Variants in SHISA5 observed in about 807,000 individuals in gnomAD.
The protein encoded by SHISA5 is protein shisa-5.
In SHISA5, 21 loss-of-function variants were observed where a neutral mutation model predicts 27.5. That is an observed-to-expected ratio of 0.76 (90% CI 0.54 to 1.10). The LOEUF (loss-of-function observed/expected upper bound fraction) is 1.10, where lower values mean the gene tolerates loss of function less well. Among genes scored for constraint, SHISA5 ranks in the 50% least tolerant of loss-of-function variants. The probability of loss-of-function intolerance (pLI) is 0.00; values close to 1 mark genes in which losing one functional copy is unlikely to be tolerated. For synonymous variants in SHISA5, 137 were observed against 142.2 expected (o/e 0.96, Z 0.26); for missense variants, 314 against 336.3 (o/e 0.93, Z 0.52).
intron 2 of SHISA5, among the ~76,000 whole-genome samples, chr3:48,482,922 C>T (rs1221187208): frequency 2.0e-5 from 3 of 151,586 alleles, no homozygotes; most frequent in Admixed American, 6.6e-5. Flanking sequence ...TGTGAGCCAC[C>T]GTGCCCGGCC....
At chr3:48,490,403 C>T (rs1472876213) in intron 2 of SHISA5, among the ~76,000 whole-genome samples, 1 of 152,224 alleles carries the variant, frequency 6.6e-6, no homozygotes, top group Non-Finnish European at 1.5e-5. Context: ...CCAGGACCAC[C>T]ACCCAGCAGA....
chr3:48,502,283 T>C (rs961970374), intron 1 of SHISA5: 2 of 428,178 alleles, frequency 4.7e-6, no homozygotes, highest in Admixed American at 2.4e-5. Context: ...ATAACCATGA[T>C]GGCAGGCTAG....
chr3:48,491,605 C>T (rs897465096), intron 2 of SHISA5, among the ~76,000 whole-genome samples: 6 of 152,014 alleles, frequency 3.9e-5, no homozygotes, highest in African/African-American at 7.2e-5. Flanking sequence ...TTTGGCTTTT[C>T]GTTGACAGCA....
chr3:48,472,997 C>T (rs975330448), intron 3 of SHISA5: 21 of 1,535,452 alleles, frequency 1.4e-5, no homozygotes, highest in Non-Finnish European at 1.8e-5. Context: ...CGCAGCATGG[C>T]GCCCAAGCTC....
At chr3:48,472,073 C>T (rs2040649981) in intron 3 of SHISA5, among the ~76,000 whole-genome samples, 1 of 152,010 alleles carries the variant, frequency 6.6e-6, no homozygotes, top group East Asian at 1.9e-4. Context: ...GTCCCAGCTA[C>T]TCAGGAGGCT....
chr3:48,501,591 G>T (rs552462922), intron 1 of SHISA5, among the ~76,000 whole-genome samples: 2 of 152,246 alleles, frequency 1.3e-5, no homozygotes, highest in Admixed American at 1.3e-4. Flanking sequence ...GCCACACCCT[G>T]CTCTCAAACC....
intron 2 of SHISA5, chr3:48,479,478 G>C: frequency 1.8e-6 from 1 of 552,958 alleles, no homozygotes; most frequent in East Asian, 2.9e-5. Context: ...ACATATGTTA[G>C]GCCACAAAAC....
intron 2 of SHISA5, among the ~76,000 whole-genome samples, chr3:48,497,243 C>CT (rs1168322824): frequency 6.9e-6 from 1 of 143,980 alleles, no homozygotes; most frequent in Non-Finnish European, 1.5e-5. Flanking sequence ...GGTTAACGGT[C>CT]TTAAGGCTTC....
Position 48,473,167 on chromosome 3 carries a change from A to T in SHISA5, c.315-3324T>A. On this transcript the variant is annotated intron_variant, in intron 3 of 5. Coordinates refer to ENST00000296444, the MANE Select transcript of SHISA5 (RefSeq NM_016479.6). The surrounding 1 kb of genome is among the most constrained non-coding windows in gnomAD (Gnocchi z 4.3). ...TCAGCCACAGGAAGCACAGACGCGA[A>T]GCCCCGTTCCACCCTCTTAAAGACA... 1 of 1,443,634 alleles carries T rather than the reference A, an allele frequency of 6.9e-7. No individual in the cohort carries two copies. The highest frequency in any genetic ancestry group is 9.1e-7 in the Non-Finnish European group (1 of 1,101,464). 89.4% of individuals were successfully genotyped at this position (1,443,634 alleles called of 1,614,324 possible). A position where few individuals can be genotyped will look rare whatever the true frequency, so the allele number is the denominator to read the frequency against.
At chr3:48,481,315 C>T (rs554576306) in intron 2 of SHISA5, among the ~76,000 whole-genome samples, 267 of 151,906 alleles carry the variant, frequency 1.8e-3, no homozygotes, top group Non-Finnish European at 2.8e-3. Context: ...TGGCAGGCGC[C>T]TGTAATCCCA....
chr3:48,478,040 G>GCC (rs2040880263), intron 3 of SHISA5, among the ~76,000 whole-genome samples: 1 of 152,198 alleles, frequency 6.6e-6, no homozygotes, highest in South Asian at 2.1e-4. Context: ...CCTCTGTGAT[G>GCC]CCCACTGTCC....
rs976447277 is a variant in SHISA5 at position 48,504,127 on chromosome 3, G to T, written c.-33C>A. 9 of 1,161,188 alleles carry T rather than the reference G, an allele frequency of 7.8e-6. No homozygotes were observed. In the African/African-American group the frequency reaches 1.5e-4, roughly 19 times the overall value. The allele number at this position is 1,161,188 out of a possible 1,614,324, so 71.9% of individuals were successfully genotyped here. On this transcript the variant is annotated 5_prime_UTR_variant, in exon 1 of 6. Transcript: ENST00000296444. This position sits in a 1 kb window ranked among gnomAD's most constrained non-coding sequence, Gnocchi z 4.0. The stretch of plus-strand genomic sequence containing the variant: ...CGGGCGGACGGGCGGACGGACGCGA[G>T]CGCCGGGCGCAGTGCCGCCACAGCC...
intron 2 of SHISA5, among the ~76,000 whole-genome samples, chr3:48,494,384 G>A (rs944684760): frequency 0.056 from 7,814 of 140,352 alleles, 500 homozygotes; most frequent in Non-Finnish European, 0.08. Flanking sequence ...TGCAACCTCC[G>A]CCTCCCGAGT....
rs1449002928 is a variant in SHISA5 at position 48,479,240 on chromosome 3, T to TC, written c.250dup (p.Glu84GlyfsTer237). On this transcript the variant is annotated frameshift_variant, in exon 3 of 6. Coordinates refer to ENST00000296444, the MANE Select transcript of SHISA5 (RefSeq NM_016479.6). LOFTEE classifies it high-confidence loss of function. ...CGCCGAGCCCAGCTGCTCCACCGGCTCTACACTGGCAGGCACGCTGCAAAC... is the reference window on the plus strand; with the variant it reads ...CGCCGAGCCCAGCTGCTCCACCGGCTCCTACACTGGCAGGCACGCTGCAAAC... 6.2e-7 allele frequency: 1 copy of TC among 1,609,434 alleles called. No homozygotes were observed. Among genetic ancestry groups the TC allele is most frequent in the East Asian group, 2.2e-5 (1 of 44,822 alleles).
In SHISA5 at chr3:48,469,825, G is replaced by C; in HGVS notation, c.333C>G (p.Ala111=). ...ACAGCACAAAGATGGTCAGGCCAAC[G>C]GCCAAGGTCGCTCCGAACCTGCCAA... The part of the protein sequence containing the change: ...DPMSGFGATL[A]VGLTIFVLSV... The change falls in exon 4 of 6, where the codon GCC becomes GCG. Residue 111 remains alanine (A), a synonymous_variant. Coordinates refer to ENST00000296444, the MANE Select transcript of SHISA5 (RefSeq NM_016479.6). The surrounding 1 kb of genome is among the most constrained non-coding windows in gnomAD (Gnocchi z 4.6). 5.0e-6 allele frequency: 8 copies of C among 1,613,848 alleles called. No homozygotes were observed. Among genetic ancestry groups the C allele is most frequent in the Non-Finnish European group, 6.8e-6 (8 of 1,179,852 alleles).
At chr3:48,472,883 G>T in intron 3 of SHISA5, 2 of 1,008,566 alleles carry the variant, frequency 2.0e-6, no homozygotes, top group South Asian at 2.8e-5. Context: ...CCAGAGGCAG[G>T]AATGGAGAAA....
At position 48,473,145 on chromosome 3, in the gene SHISA5, G is replaced by C. The variant is rs1457445657; in HGVS notation, c.315-3302C>G. The C allele has an allele frequency of 1.4e-5, 20 of 1,456,620 alleles. No homozygotes were observed. The highest frequency in any genetic ancestry group is 1.4e-5 in the African/African-American group (1 of 70,392). 90.2% of individuals were successfully genotyped at this position (1,456,620 alleles called of 1,614,324 possible). On this transcript the variant is annotated intron_variant, in intron 3 of 5. Transcript: ENST00000296444. This position sits in a 1 kb window ranked among gnomAD's most constrained non-coding sequence, Gnocchi z 4.3. ...AGCAAATCTCCTCCAGATGACGTCAGCCACAGGAAGCACAGACGCGAAGCC... is the reference window on the plus strand; with the variant it reads ...AGCAAATCTCCTCCAGATGACGTCACCCACAGGAAGCACAGACGCGAAGCC...
intron 2 of SHISA5, among the ~76,000 whole-genome samples, chr3:48,494,174 C>G (rs1303356123): frequency 2.7e-5 from 4 of 147,342 alleles, no homozygotes; most frequent in East Asian, 3.8e-4. Flanking sequence ...ATGAGTTTGA[C>G]TTTGACACTC....
chr3:48,503,190 A>G, intron 1 of SHISA5: 1 of 1,289,680 alleles, frequency 7.8e-7, no homozygotes, highest in Non-Finnish European at 1.0e-6. Flanking sequence ...CCTCTGAGCT[A>G]GGGCTGAAGA....
Sources: allele counts gnomAD v4.1 joint callset (sites outside exome capture counted in the v4.1 genomes callset), GRCh38; gene constraint gnomAD v4.1.1; non-coding constraint Gnocchi (gnomAD v3.1); transcripts MANE v1.5; gene names NCBI Gene and HGNC (gene_info 2026-07-23, HGNC 2026-07-21).